TXNRD1: variants seen among roughly 807,000 people sequenced by gnomAD.
TXNRD1 encodes the protein thioredoxin reductase 1, cytoplasmic.
In TXNRD1, 57 loss-of-function variants were observed where a neutral mutation model predicts 80.3. The observed-to-expected ratio is 0.71, with a 90% CI of 0.57 to 0.89. The LOEUF (loss-of-function observed/expected upper bound fraction) is 0.89, where lower values mean the gene tolerates loss of function less well. Among genes scored for constraint, TXNRD1 ranks in the 40% least tolerant of loss-of-function variants. The pLI is 0.00. For missense variants in TXNRD1, 730 were observed against 803.0 expected, an observed-to-expected ratio of 0.91 and a Z score of 1.10; for synonymous variants, 291 against 285.2, an observed-to-expected ratio of 1.02 and a Z score of -0.20.
chr12:104,297,608 G>A (rs1330561860), intron 4 of TXNRD1, among the ~76,000 whole-genome samples: 3 of 152,002 alleles, frequency 2.0e-5, no homozygotes, highest in South Asian at 2.1e-4. Context: ...CAGGTGATCC[G>A]CCTGCGTCAG....
intron 1 of TXNRD1, among the ~76,000 whole-genome samples, chr12:104,221,150 C>G (rs1011131274): frequency 6.6e-6 from 1 of 152,042 alleles, no homozygotes; most frequent in Non-Finnish European, 1.5e-5. Context: ...TTAGTCACAC[C>G]TGCTCAGGAG....
chr12:104,309,954 G>A, intron 4 of TXNRD1: 1 of 1,535,916 alleles, frequency 6.5e-7, no homozygotes, highest in Non-Finnish European at 8.7e-7. Flanking sequence ...CCAACAGGTA[G>A]CCACAGTGCT....
At chr12:104,320,500 T>C (rs1233335952) in intron 9 of TXNRD1, among the ~76,000 whole-genome samples, 1 of 152,164 alleles carries the variant, frequency 6.6e-6, no homozygotes, top group Non-Finnish European at 1.5e-5. Flanking sequence ...ACATAAACAT[T>C]CAGACAATAG....
intron 16 of TXNRD1, among the ~76,000 whole-genome samples, chr12:104,346,607 C>T (rs2036497637): frequency 6.6e-6 from 1 of 152,122 alleles, no homozygotes; most frequent in African/African-American, 2.4e-5. Flanking sequence ...CCCTTTCTAA[C>T]ACAGTTATTT....
chr12:104,281,795 T>C (rs2033885907), intron 3 of TXNRD1, among the ~76,000 whole-genome samples: 1 of 152,156 alleles, frequency 6.6e-6, no homozygotes, highest in South Asian at 2.1e-4. Context: ...TTTCCTTCTC[T>C]TCTCTTCACA....
Position 104,251,528 on chromosome 12 carries a change from T to TA in TXNRD1, c.96dup (p.Asp33ArgfsTer6), listed in dbSNP as rs1410636744. ...CATCCTTACTTCCATTACTTCTAGC[T>TA]AAAGATCATCACCCTGGTAAAACTT... On this transcript the variant is annotated frameshift_variant and splice_region_variant, in exon 2 of 17. Transcript: ENST00000525566. LOFTEE classifies it high-confidence loss of function. 1 of 1,613,562 alleles carries TA rather than the reference T, an allele frequency of 6.2e-7. No homozygotes were observed. Among genetic ancestry groups the TA allele is most frequent in the Admixed American group, 1.7e-5 (1 of 59,926 alleles).
chr12:104,346,185 A>G (rs749750646), intron 16 of TXNRD1: 22 of 314,020 alleles, frequency 7.0e-5, no homozygotes, highest in Non-Finnish European at 1.3e-4. Flanking sequence ...GCTAATATAT[A>G]TATATATATT....
Position 104,251,448 on chromosome 12 carries a change from A to G in TXNRD1, c.92-79A>G, listed in dbSNP as rs542565938. ...GTGGGACTTAAATGGTAATGCTTTTAGAGTGAACCTAATATTAGAAAATGC... is the reference window on the plus strand; with the variant it reads ...GTGGGACTTAAATGGTAATGCTTTTGGAGTGAACCTAATATTAGAAAATGC... On this transcript the variant is annotated intron_variant, in intron 1 of 16. Coordinates refer to ENST00000525566, the MANE Select transcript of TXNRD1 (RefSeq NM_001093771.3). The G allele has an allele frequency of 2.5e-4, 359 of 1,453,426 alleles. 6 individuals carry two copies. The South Asian group carries it at 3.2e-3, about 13-fold the overall frequency. 90.0% of individuals were successfully genotyped at this position (1,453,426 alleles called of 1,614,324 possible).
At chr12:104,256,729 G>T (rs1428087488) in intron 2 of TXNRD1, among the ~76,000 whole-genome samples, 2 of 143,518 alleles carry the variant, frequency 1.4e-5, no homozygotes, top group African/African-American at 5.2e-5. Flanking sequence ...GCAGTGAGCC[G>T]AGATAGTGCC....
intron 12 of TXNRD1, among the ~76,000 whole-genome samples, chr12:104,326,625 C>G (rs1593849466): frequency 6.6e-6 from 1 of 151,886 alleles, no homozygotes; most frequent in Non-Finnish European, 1.5e-5. Flanking sequence ...ACCACCACAC[C>G]TGGCTAATTT....
intron 9 of TXNRD1, 111 bp downstream of exon 9, chr12:104,319,696 C>T (rs2035462065): frequency 2.6e-6 from 2 of 778,984 alleles, no homozygotes; most frequent in African/African-American, 1.8e-5. Context: ...ATTTCTTTGC[C>T]ACATTGTGCC....
intron 1 of TXNRD1, among the ~76,000 whole-genome samples, chr12:104,240,718 T>C (rs934696633): frequency 1.4e-4 from 21 of 151,392 alleles, no homozygotes; most frequent in Middle Eastern, 3.4e-3. Flanking sequence ...TCTGTGTATA[T>C]GTTTTTTGTC....
chr12:104,339,943 A>AACACGCAC, intron 16 of TXNRD1, among the ~76,000 whole-genome samples: 1 of 152,320 alleles, frequency 6.6e-6, no homozygotes, highest in East Asian at 1.9e-4. Context: ...TGCACTTGCA[A>AACACGCAC]ACACGCACAC....
chr12:104,329,448 AACC>A (rs1249221783), intron 13 of TXNRD1, among the ~76,000 whole-genome samples: 2 of 151,932 alleles, frequency 1.3e-5, no homozygotes, highest in Non-Finnish European at 2.9e-5. Flanking sequence ...AGGAATTCGA[AACC>A]AGCCTGGGCA....
chr12:104,275,116 A>G (rs1197981079), intron 3 of TXNRD1, among the ~76,000 whole-genome samples: 1 of 151,866 alleles, frequency 6.6e-6, no homozygotes, highest in Admixed American at 6.6e-5. Context: ...TTGTTTAAGA[A>G]AATTATGTTT....
At chr12:104,217,027 A>G (rs1171167548) in intron 1 of TXNRD1, among the ~76,000 whole-genome samples, 13 of 152,086 alleles carry the variant, frequency 8.5e-5, no homozygotes, top group South Asian at 4.1e-4. Flanking sequence ...AGACCATGCT[A>G]GAGATAGGGA....
At position 104,251,490 on chromosome 12, in the gene TXNRD1, T is replaced by C. The variant is rs1318436834; in HGVS notation, c.92-37T>C. The C allele has an allele frequency of 4.4e-6, 7 of 1,600,396 alleles. No individual in the cohort carries two copies. The East Asian group carries it at 1.6e-4, about 36-fold the overall frequency. On this transcript the variant is annotated intron_variant, in intron 1 of 16. Transcript: ENST00000525566. ...AGAAAATGCATCATCATGTTTTCCTTTGTGATAATTACCATCCTTACTTCC... is the reference window on the plus strand; with the variant it reads ...AGAAAATGCATCATCATGTTTTCCTCTGTGATAATTACCATCCTTACTTCC...
intron 1 of TXNRD1, among the ~76,000 whole-genome samples, chr12:104,218,123 G>A (rs917261463): frequency 4.1e-4 from 62 of 151,890 alleles, no homozygotes; most frequent in Admixed American, 3.8e-3. Flanking sequence ...CGCCTCCTGG[G>A]TTCAAGCAAT....
At chr12:104,296,207 G>A (rs1038014381) in intron 4 of TXNRD1, among the ~76,000 whole-genome samples, 5 of 152,156 alleles carry the variant, frequency 3.3e-5, no homozygotes, top group Non-Finnish European at 7.3e-5. Context: ...TCCTTGATGA[G>A]ATGCTGTGGT....
Sources: gnomAD v4.1 joint callset for allele counts (sites outside exome capture counted in the v4.1 genomes callset) on GRCh38, gnomAD v4.1.1 for gene constraint, MANE v1.5 for transcripts, NCBI Gene and HGNC (gene_info 2026-07-23, HGNC 2026-07-21) for gene names.